NRXN1: variants seen among roughly 807,000 people sequenced by gnomAD.
NRXN1 encodes the protein neurexin-1.
NRXN1 carries 39 observed loss-of-function variants against 150.9 expected under a neutral mutation model. That is an observed-to-expected ratio of 0.26 (90% CI 0.20 to 0.34). NRXN1 has a LOEUF of 0.34. Ranked by LOEUF, NRXN1 falls within the 10% of genes least tolerant of loss-of-function variation. NRXN1 has a pLI of 1.00. For missense variants in NRXN1, 1,815 were observed against 1,949.9 expected (o/e 0.93, Z 1.30); for synonymous variants, 924 against 757.0 (o/e 1.22, Z -3.62).
chr2:49,951,334 A>T (rs1673923123), intron 21 of NRXN1, among the ~76,000 whole-genome samples: 1 of 152,030 alleles, frequency 6.6e-6, no homozygotes, highest in Non-Finnish European at 1.5e-5. Flanking sequence ...TTTATGTTTA[A>T]AAAATATGTT....
intron 22 of NRXN1, chr2:49,926,271 C>T (rs1180321107): frequency 1.3e-5 from 5 of 398,152 alleles, no homozygotes; most frequent in African/African-American, 2.1e-5. Flanking sequence ...GACTCTTGCA[C>T]TTATAAAGCA....
intron 18 of NRXN1, among the ~76,000 whole-genome samples, chr2:50,191,716 A>G (rs2061454714): frequency 6.6e-6 from 1 of 152,176 alleles, no homozygotes; most frequent in Admixed American, 6.6e-5. Context: ...TTCATTCAGC[A>G]TAGTTCCCCT....
chr2:50,357,302 ATTTTTTTT>A (rs10597647), intron 17 of NRXN1, among the ~76,000 whole-genome samples: 5 of 142,838 alleles, frequency 3.5e-5, no homozygotes, highest in East Asian at 2.5e-4. Flanking sequence ...TTATTTATTT[ATTTTTTTT>A]TTTATTTATT....
Position 50,703,387 on chromosome 2 carries a change from T to C in NRXN1, c.833-79772A>G, listed in dbSNP as rs572279804. Among the ~76,000 whole-genome samples, 16 of 152,230 alleles carry C rather than the reference T, an allele frequency of 1.1e-4. 1 individual carries two copies. The South Asian group carries it at 3.3e-3, about 32-fold the overall frequency. ...CCTCTGCACCAGGTATTTCTAGATA[T>C]CCAGATGGCACTCAAGGGAAGGGAG... On this transcript the variant is annotated intron_variant, in intron 5 of 22. Coordinates refer to ENST00000401669, the MANE Select transcript of NRXN1 (RefSeq NM_001330078.2).
At chr2:50,788,330 C>T (rs1003464335) in intron 5 of NRXN1, among the ~76,000 whole-genome samples, 1 of 151,898 alleles carries the variant, frequency 6.6e-6, no homozygotes, top group African/African-American at 2.4e-5. Flanking sequence ...CCTCGTGATC[C>T]GCCGCCTCGG....
At chr2:50,611,821 C>T (rs1242768396) in intron 8 of NRXN1, among the ~76,000 whole-genome samples, 1 of 152,028 alleles carries the variant, frequency 6.6e-6, no homozygotes, top group Non-Finnish European at 1.5e-5. Flanking sequence ...CAGCTCCAGA[C>T]CAATTCAACC....
intron 5 of NRXN1, chr2:50,656,451 G>C (rs1040057520): frequency 2.6e-6 from 2 of 756,348 alleles, no homozygotes; most frequent in East Asian, 4.9e-5. Context: ...CAAGTTTCTA[G>C]ATTCTTTTCA....
intron 17 of NRXN1, among the ~76,000 whole-genome samples, chr2:50,296,023 A>G (rs987952338): frequency 6.6e-6 from 1 of 152,194 alleles, no homozygotes; most frequent in African/African-American, 2.4e-5. Flanking sequence ...TTGCTTTACA[A>G]AAGCCATTAC....
rs1009256584 is a variant in NRXN1 at position 50,656,363 on chromosome 2, C to T, written c.833-32748G>A. 9.0e-6 allele frequency: 7 copies of T among 776,954 alleles called. No individual in the cohort carries two copies. The South Asian group carries it at 9.4e-5, about 10-fold the overall frequency. The allele number at this position is 776,954 out of a possible 1,614,324, so 48.1% of individuals were successfully genotyped here. A position where few individuals can be genotyped will look rare whatever the true frequency, so the allele number is the denominator to read the frequency against. On this transcript the variant is annotated intron_variant, in intron 5 of 22. Transcript: ENST00000401669. Reference sequence around the variant, plus strand: ...ACTCTAAAGAGTACCTGAGTCTGTACTAGGACATTTGCTTCCAGAAGTCAT... The same window carrying T: ...ACTCTAAAGAGTACCTGAGTCTGTATTAGGACATTTGCTTCCAGAAGTCAT...
At chr2:50,405,609 A>G (rs2082702266) in intron 17 of NRXN1, among the ~76,000 whole-genome samples, 1 of 152,112 alleles carries the variant, frequency 6.6e-6, no homozygotes, top group Admixed American at 6.6e-5. Flanking sequence ...AAAATTGTAC[A>G]TTTCCTTTAT....
At chr2:49,940,332 C>G (rs1360157896) in intron 22 of NRXN1, among the ~76,000 whole-genome samples, 2 of 152,108 alleles carry the variant, frequency 1.3e-5, no homozygotes, top group African/African-American at 4.8e-5. Context: ...AAAATATAGC[C>G]TAATATGTGA....
At chr2:50,640,055 C>A (rs754699779) in intron 5 of NRXN1, among the ~76,000 whole-genome samples, 1 of 152,060 alleles carries the variant, frequency 6.6e-6, no homozygotes, top group Non-Finnish European at 1.5e-5. Context: ...GCATCTCAGG[C>A]TAAGGTGATG....
chr2:50,695,346 T>C (rs1476109429), intron 5 of NRXN1, among the ~76,000 whole-genome samples: 1 of 152,178 alleles, frequency 6.6e-6, no homozygotes, highest in Non-Finnish European at 1.5e-5. Flanking sequence ...CTTTGCTAAA[T>C]AATTTCAAGG....
chr2:50,233,394 A>C (rs1453530630), intron 18 of NRXN1, among the ~76,000 whole-genome samples: 8 of 152,236 alleles, frequency 5.3e-5, no homozygotes, highest in Non-Finnish European at 1.2e-4. Flanking sequence ...ACAGTTAATC[A>C]AAATTTTTAA....
chr2:50,270,190 TA>T (rs2069403750), intron 17 of NRXN1, among the ~76,000 whole-genome samples: 1 of 152,080 alleles, frequency 6.6e-6, no homozygotes, highest in African/African-American at 2.4e-5. Context: ...TAAAAAAGAT[TA>T]GGGGTTAAAT....
chr2:50,645,977 T>C (rs184481136), intron 5 of NRXN1, among the ~76,000 whole-genome samples: 5 of 152,036 alleles, frequency 3.3e-5, no homozygotes, highest in Admixed American at 3.3e-4. Flanking sequence ...GAACAGATAC[T>C]CAACTGGCAT....
intron 18 of NRXN1, among the ~76,000 whole-genome samples, chr2:50,190,509 A>G (rs1381741756): frequency 6.6e-6 from 1 of 152,112 alleles, no homozygotes; most frequent in Non-Finnish European, 1.5e-5. Context: ...TGATAGCTTA[A>G]TGATCTTTAA....
chr2:50,373,440 T>C (rs1438051520), intron 17 of NRXN1, among the ~76,000 whole-genome samples: 1 of 149,896 alleles, frequency 6.7e-6, no homozygotes, highest in Non-Finnish European at 1.5e-5. Context: ...TGAACTCTTC[T>C]GCTCCCTAGC....
chr2:49,973,605 A>G (rs897277259), intron 21 of NRXN1, among the ~76,000 whole-genome samples: 18 of 150,160 alleles, frequency 1.2e-4, no homozygotes, highest in African/African-American at 4.2e-4. Flanking sequence ...ATACATATAT[A>G]CATACATATG....
Sources: gnomAD v4.1 joint callset for allele counts (sites outside exome capture counted in the v4.1 genomes callset) on GRCh38, gnomAD v4.1.1 for gene constraint, MANE v1.5 for transcripts, NCBI Gene and HGNC (gene_info 2026-07-23, HGNC 2026-07-21) for gene names.